Variants in SNTG1 observed in about 807,000 individuals in gnomAD.
The protein encoded by SNTG1 is gamma-1-syntrophin.
Under a neutral mutation model 74.7 loss-of-function variants are expected in SNTG1, and 39 were observed. The ratio of observed to expected loss-of-function variants is 0.52; its 90% CI spans 0.40 to 0.68. SNTG1 has a LOEUF of 0.68. Ranked by LOEUF, SNTG1 falls within the 30% of genes least tolerant of loss-of-function variation. The probability of loss-of-function intolerance (pLI) is 0.00; values close to 1 mark genes in which losing one functional copy is unlikely to be tolerated. For synonymous variants in SNTG1, 254 were observed against 217.1 expected, an observed-to-expected ratio of 1.17 and a Z score of -1.49; for missense variants, 685 against 609.5, an observed-to-expected ratio of 1.12 and a Z score of -1.30.
chr8:50,699,305 G>C (rs1292857586), intron 15 of SNTG1, among the ~76,000 whole-genome samples: 7 of 152,072 alleles, frequency 4.6e-5, no homozygotes, highest in Non-Finnish European at 1.0e-4. Context: ...TTTACATAAA[G>C]TAAACATGAA....
At chr8:50,263,862 C>T (rs2087320741) in intron 2 of SNTG1, among the ~76,000 whole-genome samples, 1 of 152,154 alleles carries the variant, frequency 6.6e-6, no homozygotes, top group Admixed American at 6.5e-5. Context: ...GTGTAGAACA[C>T]TTCACTCAGT....
chr8:50,657,737 G>A (rs1302352544), intron 14 of SNTG1, among the ~76,000 whole-genome samples: 1 of 151,882 alleles, frequency 6.6e-6, no homozygotes. Flanking sequence ...ATGTTGTACA[G>A]GTCTCTCTAT....
At chr8:49,965,636 G>A (rs899501172) in intron 1 of SNTG1, among the ~76,000 whole-genome samples, 2 of 152,120 alleles carry the variant, frequency 1.3e-5, no homozygotes, top group African/African-American at 2.4e-5. Flanking sequence ...GTTGTCATGC[G>A]CCTTGATTGC....
chr8:50,546,257 C>G (rs7831010), intron 11 of SNTG1, among the ~76,000 whole-genome samples: 11,930 of 151,662 alleles, frequency 0.079, 1,017 homozygotes, highest in African/African-American at 0.22. Context: ...TAAGAAGAAA[C>G]ATATTGACAG....
At chr8:50,732,014 A>T (rs1250972684) in intron 17 of SNTG1, among the ~76,000 whole-genome samples, 1 of 151,944 alleles carries the variant, frequency 6.6e-6, no homozygotes, top group Admixed American at 6.6e-5. Context: ...ATATTCATTA[A>T]CTTCTTTATA....
At chr8:50,362,090 G>A (rs1352595471) in intron 2 of SNTG1, among the ~76,000 whole-genome samples, 1 of 152,080 alleles carries the variant, frequency 6.6e-6, no homozygotes, top group Non-Finnish European at 1.5e-5. Flanking sequence ...CCTGCCCTAT[G>A]TTTCCAGTGT....
intron 18 of SNTG1, among the ~76,000 whole-genome samples, chr8:50,780,742 CT>C (rs1353831549): frequency 6.6e-6 from 1 of 152,130 alleles, no homozygotes; most frequent in African/African-American, 2.4e-5. Context: ...TTGCCTTCTG[CT>C]ATCTTTTGAA....
intron 2 of SNTG1, among the ~76,000 whole-genome samples, chr8:50,217,337 A>G (rs533093825): frequency 3.2e-4 from 48 of 152,150 alleles, no homozygotes; most frequent in African/African-American, 1.1e-3. Flanking sequence ...CATTTTTTTC[A>G]ATCACTGGGA....
At chr8:50,670,029 A>G (rs946333707) in intron 15 of SNTG1, among the ~76,000 whole-genome samples, 21 of 152,310 alleles carry the variant, frequency 1.4e-4, no homozygotes, top group Middle Eastern at 3.4e-3. Context: ...TTAGGTATTG[A>G]TGGGATGTAT....
rs373334215 is a variant in SNTG1, at chr8:50,430,136, T to C, written c.163-8407T>C. ...TTGCACATGAATGTTACAGCAGCTT[T>C]ATTCACAGTAGCCAAATAAATTAAT... On this transcript the variant is annotated intron_variant, in intron 4 of 18. Coordinates refer to ENST00000642720, the MANE Select transcript of SNTG1 (RefSeq NM_018967.5). Among the ~76,000 whole-genome samples, 183 of 152,308 alleles carry C rather than the reference T, an allele frequency of 1.2e-3. 7 individuals carry two copies. The South Asian group carries it at 0.035, about 29-fold the overall frequency.
chr8:50,682,267 A>G (rs1274683158), intron 15 of SNTG1, among the ~76,000 whole-genome samples: 1 of 152,048 alleles, frequency 6.6e-6, no homozygotes, highest in African/African-American at 2.4e-5. Context: ...TGGACCCCAC[A>G]GTGTAAGCTA....
At chr8:49,996,207 A>C (rs1814199876) in intron 1 of SNTG1, among the ~76,000 whole-genome samples, 1 of 152,150 alleles carries the variant, frequency 6.6e-6, no homozygotes. Context: ...TTTAACTAAT[A>C]ATACTGCTTG....
At chr8:50,113,056 G>A (rs924122686) in intron 1 of SNTG1, among the ~76,000 whole-genome samples, 1 of 152,080 alleles carries the variant, frequency 6.6e-6, no homozygotes, top group African/African-American at 2.4e-5. Flanking sequence ...TTTTGGCTTA[G>A]GATTGATTTT....
Position 50,233,234 on chromosome 8 carries a change from G to T in SNTG1, c.-28+60599G>T, listed in dbSNP as rs371327170. 5.9e-5 allele frequency among the ~76,000 whole-genome samples: 9 copies of T among 151,704 alleles called. No homozygotes were observed. The East Asian group carries it at 1.4e-3, about 23-fold the overall frequency. On this transcript the variant is annotated intron_variant, in intron 2 of 18. Transcript: ENST00000642720. ...ATACATAGATCAATGGACCGGAAGA[G>T]ATGGCCCTAAAATAGTCACATACAA...
intron 2 of SNTG1, among the ~76,000 whole-genome samples, chr8:50,279,984 C>T (rs1285319273): frequency 6.6e-6 from 1 of 151,448 alleles, no homozygotes; most frequent in African/African-American, 2.5e-5. Flanking sequence ...TAGATGTAAA[C>T]TTCTCTTACA....
intron 2 of SNTG1, among the ~76,000 whole-genome samples, chr8:50,218,009 C>A (rs2084879571): frequency 6.6e-6 from 1 of 152,178 alleles, no homozygotes; most frequent in Non-Finnish European, 1.5e-5. Context: ...AATACCAAGT[C>A]ACCTCAGACC....
intron 1 of SNTG1, among the ~76,000 whole-genome samples, chr8:49,949,767 T>C (rs1295985884): frequency 6.6e-6 from 1 of 152,244 alleles, no homozygotes. Context: ...TTTGGCTTCA[T>C]TGAGCTATCC....
rs533011647 is a variant in SNTG1, at chr8:50,728,869, T to C, written c.1284+19891T>C. Among the ~76,000 whole-genome samples the C allele has an allele frequency of 2.6e-4, 39 of 152,318 alleles. No homozygotes were observed. In the South Asian group the frequency reaches 8.1e-3, roughly 32 times the overall value. ...CTCTGTCCATGAATCACCCATATTC[T>C]TATCTCATTCCACTTGTATTTGCAG... On this transcript the variant is annotated intron_variant, in intron 17 of 18. Transcript: ENST00000642720.
chr8:49,977,394 G>T (rs1448190722), intron 1 of SNTG1, among the ~76,000 whole-genome samples: 1 of 152,056 alleles, frequency 6.6e-6, no homozygotes, highest in Admixed American at 6.6e-5. Context: ...GGATATGAAA[G>T]GTTGTTTTGA....
Sources: gnomAD v4.1 joint callset for allele counts (sites outside exome capture counted in the v4.1 genomes callset) on GRCh38, gnomAD v4.1.1 for gene constraint, MANE v1.5 for transcripts, NCBI Gene and HGNC (gene_info 2026-07-23, HGNC 2026-07-21) for gene names.